The following EDN1 variants were observed in gnomAD, a reference collection of about 807,000 sequenced individuals.
EDN1 encodes endothelin-1.
EDN1 carries 11 observed loss-of-function variants against 21.7 expected under a neutral mutation model. The observed-to-expected ratio is 0.51, with a 90% CI of 0.32 to 0.84. The LOEUF (loss-of-function observed/expected upper bound fraction) is 0.84. EDN1 is among the 40% of genes least tolerant of loss of function. The probability of loss-of-function intolerance (pLI) is 0.03; values close to 1 mark genes in which losing one functional copy is unlikely to be tolerated. For missense variants in EDN1, 244 were observed against 262.3 expected, an observed-to-expected ratio of 0.93 and a Z score of 0.48; for synonymous variants, 85 against 90.6, an observed-to-expected ratio of 0.94 and a Z score of 0.35.
At chr6:12,265,255 A>C in the EDN1 span, among the ~76,000 whole-genome samples, 1 of 152,186 alleles carries the variant, frequency 6.6e-6, no homozygotes, top group Non-Finnish European at 1.5e-5. Flanking sequence ...ATAATTTCTG[A>C]ATTTGTTAAG....
chr6:12,246,490 C>T, the EDN1 span, among the ~76,000 whole-genome samples: 1 of 152,174 alleles, frequency 6.6e-6, no homozygotes, highest in African/African-American at 2.4e-5. Context: ...AAGTCCCTCT[C>T]CTGAGAGCCA....
chr6:12,286,643 A>AT (rs1381966751), upstream of EDN1, among the ~76,000 whole-genome samples: 1 of 152,236 alleles, frequency 6.6e-6, no homozygotes, highest in East Asian at 1.9e-4. Context: ...TTATTACGCA[A>AT]AAGTTGAGAA....
chr6:12,258,393 T>C, the EDN1 span, among the ~76,000 whole-genome samples: 3 of 137,582 alleles, frequency 2.2e-5, no homozygotes, highest in African/African-American at 8.5e-5. Context: ...AGGCTGCCAG[T>C]GAGCTGTGAT....
In EDN1 at chr6:12,290,372, T is replaced by C; in HGVS notation, c.-258T>C. On this transcript the variant is annotated 5_prime_UTR_variant, in exon 1 of 5. Transcript: ENST00000379375. ...GAGCTGTCCAAGTCAGACGCGCCTC[T>C]GCATCTGCGCCAGGCGAACGGGTCC... The C allele has an allele frequency of 3.7e-6, 2 of 541,284 alleles. No homozygotes were observed. The highest frequency in any genetic ancestry group is 4.1e-5 in the South Asian group (2 of 48,314). 33.5% of individuals were successfully genotyped at this position (541,284 alleles called of 1,614,324 possible).
chr6:12,241,257 C>G, the EDN1 span, among the ~76,000 whole-genome samples: 1 of 151,444 alleles, frequency 6.6e-6, no homozygotes, highest in Admixed American at 6.6e-5. Context: ...CCTCTGCCTC[C>G]TGGGTTCAAG....
chr6:12,260,486 T>G, the EDN1 span, among the ~76,000 whole-genome samples: 5 of 152,300 alleles, frequency 3.3e-5, no homozygotes, highest in South Asian at 4.1e-4. Context: ...TTTTCCTGTT[T>G]TATCAGTTTT....
the EDN1 span, among the ~76,000 whole-genome samples, chr6:12,231,023 T>C: frequency 2.0e-5 from 3 of 152,194 alleles, no homozygotes; most frequent in African/African-American, 7.2e-5. Context: ...TGCAGTTCTC[T>C]CCCTGTGAAA....
the EDN1 span, among the ~76,000 whole-genome samples, chr6:12,253,393 T>C: frequency 6.6e-6 from 1 of 152,212 alleles, no homozygotes; most frequent in African/African-American, 2.4e-5. Context: ...TCTGCCTTTA[T>C]AAAGCCTATA....
At chr6:12,255,341 T>C in the EDN1 span, among the ~76,000 whole-genome samples, 1 of 152,154 alleles carries the variant, frequency 6.6e-6, no homozygotes, top group Non-Finnish European at 1.5e-5. Flanking sequence ...TCAATGGATC[T>C]AAAAAGAAAA....
chr6:12,265,226 G>A, the EDN1 span, among the ~76,000 whole-genome samples: 4 of 152,206 alleles, frequency 2.6e-5, no homozygotes, highest in African/African-American at 9.7e-5. Flanking sequence ...AATGCCAAGC[G>A]ATATGTGCCT....
chr6:12,279,777 T>C, the EDN1 span, among the ~76,000 whole-genome samples: 1 of 152,230 alleles, frequency 6.6e-6, no homozygotes, highest in African/African-American at 2.4e-5. Context: ...ATCATTCCTT[T>C]CAACAGTCCA....
chr6:12,284,736 GAAGGAAGGAAGGAAGAAAGA>G, the EDN1 span, among the ~76,000 whole-genome samples: 40 of 124,850 alleles, frequency 3.2e-4, no homozygotes, highest in African/African-American at 1.1e-3. Flanking sequence ...AGGAAGGAAG[GAAGGAAGGAAGGAAGAAAGA>G]AAGAAAGAAA....
the EDN1 span, among the ~76,000 whole-genome samples, chr6:12,231,043 C>G: frequency 6.6e-6 from 1 of 152,070 alleles, no homozygotes; most frequent in Non-Finnish European, 1.5e-5. Context: ...AAATGACTTG[C>G]CATAATATAC....
the EDN1 span, among the ~76,000 whole-genome samples, chr6:12,243,556 T>G: frequency 6.6e-6 from 1 of 152,312 alleles, no homozygotes; most frequent in South Asian, 2.1e-4. Context: ...GTCCTGTGTC[T>G]TTCAACCCAA....
At chr6:12,259,175 G>A in the EDN1 span, among the ~76,000 whole-genome samples, 1 of 151,800 alleles carries the variant, frequency 6.6e-6, no homozygotes, top group Admixed American at 6.6e-5. Flanking sequence ...TGAAAATACT[G>A]GCTAATGCAT....
chr6:12,294,326 G>A lies in EDN1; in HGVS notation c.455G>A (p.Gly152Glu). 1.9e-6 allele frequency: 3 copies of A among 1,614,148 alleles called. No homozygotes were observed. Among genetic ancestry groups the A allele is most frequent in the Non-Finnish European group, 2.5e-6 (3 of 1,180,020 alleles). ...HKKGKDCSKL[G>E]KKCIYQQLVR... ...AAAGGAAAAGACTGTTCCAAGCTTGGGAAAAAGTGTATTTATCAGCAGTTA... is the reference window on the plus strand; with the variant it reads ...AAAGGAAAAGACTGTTCCAAGCTTGAGAAAAAGTGTATTTATCAGCAGTTA... Residue 152 changes from glycine to glutamate, a missense_variant, in exon 4 of 5, where the codon GGG becomes GAG. Gly to Glu is a moderately conservative substitution (Grantham distance 98). Transcript: ENST00000379375.
chr6:12,250,477 A>G, the EDN1 span, among the ~76,000 whole-genome samples: 9 of 152,150 alleles, frequency 5.9e-5, no homozygotes, highest in African/African-American at 2.2e-4. Flanking sequence ...TTGTCTTCTT[A>G]TCACTATCAA....
the EDN1 span, among the ~76,000 whole-genome samples, chr6:12,243,717 A>G: frequency 6.6e-6 from 1 of 152,228 alleles, no homozygotes; most frequent in African/African-American, 2.4e-5. Context: ...CATTTCATCT[A>G]TAGTTATATC....
At chr6:12,260,532 A>G in the EDN1 span, among the ~76,000 whole-genome samples, 1 of 152,114 alleles carries the variant, frequency 6.6e-6, no homozygotes, top group Non-Finnish European at 1.5e-5. Context: ...TAACAAATGA[A>G]ATTTCAGCTC....
Sources: allele counts gnomAD v4.1 joint callset (sites outside exome capture counted in the v4.1 genomes callset), GRCh38; gene constraint gnomAD v4.1.1; transcripts MANE v1.5; gene names NCBI Gene and HGNC (gene_info 2026-07-23, HGNC 2026-07-21).